Variants in SIRPB2 observed in about 807,000 individuals in gnomAD.
SIRPB2 encodes signal regulatory protein beta 2.
SIRPB2 carries 18 observed loss-of-function variants against 27.1 expected under a neutral mutation model. The observed-to-expected ratio is 0.66, with a 90% CI of 0.46 to 0.98. The LOEUF is 0.98. Among genes scored for constraint, SIRPB2 ranks in the 50% least tolerant of loss-of-function variants. SIRPB2 has a pLI of 0.00. For synonymous variants in SIRPB2, 150 were observed against 164.6 expected, an observed-to-expected ratio of 0.91 and a Z score of 0.68; for missense variants, 420 against 417.4, an observed-to-expected ratio of 1.01 and a Z score of -0.06.
rs746435325 is a variant in SIRPB2 at position 1,476,331 on chromosome 20, G to C, written c.865C>G (p.Leu289Val). Reference sequence around the variant, plus strand: ...AGGACCACAGGTGCGAACACAACCAGGAGGCCTGGGAGGCACAGGAGAGAG... The same window carrying C: ...AGGACCACAGGTGCGAACACAACCACGAGGCCTGGGAGGCACAGGAGAGAG... The part of the protein sequence containing the change: ...PATEMSPTGL[L>V]VVFAPVVLGL... The change falls in exon 5 of 5, where the codon CTG (leucine) becomes GTG (valine). Residue 289 changes from leucine (L) to valine (V), a missense_variant. By Grantham distance (32) the Leu-to-Val change is conservative. Transcript: ENST00000359801. 1 of 1,611,210 alleles carries C rather than the reference G, an allele frequency of 6.2e-7. No homozygotes were observed. The highest frequency in any genetic ancestry group is 2.2e-5 in the East Asian group (1 of 44,820).
At chr20:1,477,302 G>C (rs1342826107) in intron 4 of SIRPB2, 36 bp downstream of exon 4, 1 of 1,614,194 alleles carries the variant, frequency 6.2e-7, no homozygotes. Flanking sequence ...TTGCCTGTGG[G>C]GGACTCATTG....
chr20:1,473,985 T>C (rs906314279), downstream of SIRPB2: 2 of 408,504 alleles, frequency 4.9e-6, no homozygotes, highest in Non-Finnish European at 9.9e-6. Context: ...GGAGAATTTC[T>C]TCCTTGATTC....
Position 1,478,167 on chromosome 20 carries a change from A to C in SIRPB2, c.793+99T>G, listed in dbSNP as rs191472049. 287 of 1,102,342 alleles carry C rather than the reference A, an allele frequency of 2.6e-4. 2 individuals are homozygous for C. The Admixed American group carries it at 5.2e-3, about 20-fold the overall frequency. 68.3% of individuals were successfully genotyped at this position (1,102,342 alleles called of 1,614,324 possible). A position where few individuals can be genotyped will look rare whatever the true frequency, so the allele number is the denominator to read the frequency against. The stretch of plus-strand genomic sequence containing the variant: ...TAGAGGGAAAAACTTATGTAAAGAC[A>C]TGGAGGCTGTGAAGAACTGGCTTGT... On this transcript the variant is annotated intron_variant, in intron 3 of 4. Transcript: ENST00000359801.
intron 1 of SIRPB2, among the ~76,000 whole-genome samples, chr20:1,482,205 T>A (rs558664742): frequency 7.9e-5 from 12 of 152,338 alleles, no homozygotes; most frequent in African/African-American, 2.6e-4. Context: ...CTGGTATCCA[T>A]CACCTGAGTA....
intron 3 of SIRPB2, 106 bp downstream of exon 3, chr20:1,478,160 T>C (rs2090625898): frequency 9.5e-7 from 1 of 1,056,282 alleles, no homozygotes; most frequent in Non-Finnish European, 1.4e-6. Context: ...AAAACTTATG[T>C]AAAGACATGG....
At chr20:1,477,731 A>G (rs1174678743) in intron 3 of SIRPB2, among the ~76,000 whole-genome samples, 1 of 152,186 alleles carries the variant, frequency 6.6e-6, no homozygotes, top group African/African-American at 2.4e-5. Context: ...GCTGGAGTAC[A>G]AGGGTGCGAT....
At chr20:1,474,460 A>G (rs2090592062), downstream of SIRPB2, 1 of 152,640 alleles carries the variant, frequency 6.6e-6, no homozygotes, top group Non-Finnish European at 1.5e-5. Flanking sequence ...ACTCGCCGCT[A>G]TAGTGAGTGC....
downstream of SIRPB2, chr20:1,474,484 C>T (rs2090592176): frequency 6.6e-6 from 1 of 152,322 alleles, no homozygotes; most frequent in Non-Finnish European, 1.5e-5. Flanking sequence ...TAAATGTTTG[C>T]CTGGAAAGAG....
downstream of SIRPB2, among the ~76,000 whole-genome samples, chr20:1,474,197 C>G (rs2090591263): frequency 1.3e-5 from 2 of 152,200 alleles, no homozygotes; most frequent in Non-Finnish European, 2.9e-5. Context: ...TTAATTTAAT[C>G]ACACCTGTAT....
In SIRPB2 at chr20:1,475,724, G is replaced by A; in HGVS notation, c.*443C>T. On this transcript the variant is annotated 3_prime_UTR_variant, in exon 5 of 5. Transcript: ENST00000359801. Reference sequence around the variant, plus strand: ...CCAGCCATGAGGGGGATGGAAGGAAGGCAGGAAGGAGTGGGGAGAAAGGTG... The same window carrying A: ...CCAGCCATGAGGGGGATGGAAGGAAAGCAGGAAGGAGTGGGGAGAAAGGTG... The A allele has an allele frequency of 6.2e-6, 1 of 161,532 alleles. No homozygotes were observed. Among genetic ancestry groups the A allele is most frequent in the South Asian group, 1.7e-4 (1 of 5,900 alleles). The allele number at this position is 161,532 out of a possible 1,614,324, so 10.0% of individuals were successfully genotyped here.
chr20:1,478,228 C>G (rs763493819), intron 3 of SIRPB2, 38 bp downstream of exon 3: 4 of 1,585,402 alleles, frequency 2.5e-6, no homozygotes, highest in Non-Finnish European at 3.5e-6. Context: ...TGAATACCTG[C>G]TCCGCTCTCC....
intron 1 of SIRPB2, 44 bp downstream of exon 1, chr20:1,491,231 G>T: frequency 1.9e-6 from 3 of 1,563,436 alleles, no homozygotes; most frequent in South Asian, 2.3e-5. Flanking sequence ...TCTAGGGACT[G>T]ACCAGCCGGG....
chr20:1,482,726 C>A lies in SIRPB2; in HGVS notation c.86-2661G>T, dbSNP rs1000871199. ...CTTACTTCACTTAACATAATAATCTCCAGTTCCATCCGTGTTGCTGTGAAT... is the reference window on the plus strand; with the variant it reads ...CTTACTTCACTTAACATAATAATCTACAGTTCCATCCGTGTTGCTGTGAAT... On this transcript the variant is annotated intron_variant, in intron 1 of 4. Coordinates refer to ENST00000359801, the MANE Select transcript of SIRPB2 (RefSeq NM_001122962.2). 2.0e-5 allele frequency among the ~76,000 whole-genome samples: 3 copies of A among 151,982 alleles called. No homozygotes were observed. In the South Asian group the frequency reaches 6.2e-4, roughly 32 times the overall value.
At chr20:1,487,927 A>C (rs985537801) in intron 1 of SIRPB2, among the ~76,000 whole-genome samples, 4 of 152,242 alleles carry the variant, frequency 2.6e-5, no homozygotes, top group Admixed American at 6.5e-5. Context: ...ATCTCAAACT[A>C]TATAAAAATT....
At chr20:1,478,632 T>G (rs1485257030) in intron 2 of SIRPB2, 25 bp from the exon 3 acceptor site, 5 of 1,514,080 alleles carry the variant, frequency 3.3e-6, no homozygotes, top group Middle Eastern at 1.8e-4. Flanking sequence ...GAGGTCCTTG[T>G]TGAATTCCCT....
At chr20:1,476,401 T>C (rs2090606919) in intron 4 of SIRPB2, 65 bp from the exon 5 acceptor site, 7 of 1,487,848 alleles carry the variant, frequency 4.7e-6, no homozygotes, top group Non-Finnish European at 6.3e-6. Context: ...CACGCCTCAT[T>C]GCTGCCCATG....
chr20:1,482,086 A>G (rs994766125), intron 1 of SIRPB2, among the ~76,000 whole-genome samples: 59 of 152,318 alleles, frequency 3.9e-4, no homozygotes, highest in African/African-American at 1.2e-3. Flanking sequence ...AAAAAATAAC[A>G]TTCTATTGTG....
chr20:1,478,639 C>A, intron 2 of SIRPB2, 32 bp from the exon 3 acceptor site: 1 of 1,494,288 alleles, frequency 6.7e-7, no homozygotes, highest in Non-Finnish European at 9.0e-7. Flanking sequence ...TTGTTGAATT[C>A]CCTCTCCTCT....
intron 1 of SIRPB2, among the ~76,000 whole-genome samples, chr20:1,484,854 A>G (rs781335572): frequency 6.6e-6 from 1 of 152,246 alleles, no homozygotes; most frequent in African/African-American, 2.4e-5. Flanking sequence ...TAGAAATGCC[A>G]TATCACCCAG....
Sources: gnomAD v4.1 joint callset for allele counts (sites outside exome capture counted in the v4.1 genomes callset) on GRCh38, gnomAD v4.1.1 for gene constraint, MANE v1.5 for transcripts, NCBI Gene and HGNC (gene_info 2026-07-23, HGNC 2026-07-21) for gene names.